Variants in PAH observed in about 807,000 individuals in gnomAD.
PAH encodes the protein phenylalanine hydroxylase.
A neutral mutation model predicts 62.0 loss-of-function variants in PAH; 64 were observed. That is an observed-to-expected ratio of 1.03 (90% confidence interval 0.84 to 1.27). The LOEUF is 1.27. PAH is among the 50% of genes most tolerant of loss of function. PAH has a pLI of 0.00. For synonymous variants in PAH, 195 were observed against 196.2 expected, an observed-to-expected ratio of 0.99 and a Z score of 0.05; for missense variants, 579 against 542.8, an observed-to-expected ratio of 1.07 and a Z score of -0.66.
At chr12:102,914,669 T>A (rs1878320167) in intron 1 of PAH, 1 of 152,218 alleles carries the variant, frequency 6.6e-6, no homozygotes, top group East Asian at 1.9e-4. Flanking sequence ...ACAAAAGATA[T>A]TCCTGTCTCT....
At chr12:102,941,508 T>G (rs1879285935) in intron 1 of PAH, among the ~76,000 whole-genome samples, 1 of 152,092 alleles carries the variant, frequency 6.6e-6, no homozygotes, top group African/African-American at 2.4e-5. Context: ...GGATAGATAT[T>G]GTTACTTCAG....
chr12:102,844,766 G>A (rs1287767494), intron 9 of PAH, among the ~76,000 whole-genome samples: 3 of 152,150 alleles, frequency 2.0e-5, no homozygotes, highest in African/African-American at 7.2e-5. Context: ...TCTGGCCTTT[G>A]GATTCTGGGA....
At chr12:102,905,708 T>C (rs906477337) in intron 2 of PAH, among the ~76,000 whole-genome samples, 1 of 152,070 alleles carries the variant, frequency 6.6e-6, no homozygotes, top group Non-Finnish European at 1.5e-5. Context: ...TAAATATGAC[T>C]TAATTCATGT....
intron 3 of PAH, among the ~76,000 whole-genome samples, chr12:102,889,993 CT>C (rs1877209241): frequency 6.6e-6 from 1 of 152,218 alleles, no homozygotes; most frequent in Admixed American, 6.5e-5. Flanking sequence ...AAAAGACTCT[CT>C]GGATTAAAAT....
chr12:102,931,146 A>C (rs1050125296), intron 1 of PAH, among the ~76,000 whole-genome samples: 1 of 152,148 alleles, frequency 6.6e-6, no homozygotes, highest in Non-Finnish European at 1.5e-5. Context: ...ATAAGGTGGC[A>C]TTTACTTGGG....
chr12:102,840,095 G>A (rs574649780), intron 12 of PAH, among the ~76,000 whole-genome samples: 13 of 152,166 alleles, frequency 8.5e-5, no homozygotes, highest in South Asian at 2.1e-4. Context: ...GACACTTAGC[G>A]TAGAAGGGAT....
chr12:102,864,582 A>C (rs1352272935), intron 5 of PAH, among the ~76,000 whole-genome samples: 1 of 152,202 alleles, frequency 6.6e-6, no homozygotes, highest in East Asian at 1.9e-4. Flanking sequence ...ATGTGACACT[A>C]AACAGACCAT....
intron 1 of PAH, among the ~76,000 whole-genome samples, chr12:102,925,296 AG>A (rs548422590): frequency 9.9e-5 from 15 of 152,262 alleles, no homozygotes; most frequent in Non-Finnish European, 1.9e-4. Context: ...TTGCATTATA[AG>A]GTAAATTTAG....
chr12:102,898,730 C>T (rs773789325), intron 2 of PAH, among the ~76,000 whole-genome samples: 14 of 152,096 alleles, frequency 9.2e-5, no homozygotes, highest in Non-Finnish European at 1.5e-4. Flanking sequence ...AGCTAGAGAG[C>T]GAGGCCCATT....
upstream of PAH, among the ~76,000 whole-genome samples, chr12:102,921,556 T>C (rs1878552565): frequency 6.6e-6 from 1 of 152,224 alleles, no homozygotes; most frequent in Non-Finnish European, 1.5e-5. Context: ...TTAAAAATTT[T>C]TGTGGTTTGT....
intron 5 of PAH, among the ~76,000 whole-genome samples, chr12:102,861,969 A>G (rs868283162): frequency 7.1e-6 from 1 of 141,656 alleles, no homozygotes; most frequent in Admixed American, 6.8e-5. Flanking sequence ...TAAAGTATAA[A>G]AAAAAAAAAA....
intron 2 of PAH, chr12:102,904,599 A>G (rs1877896605): frequency 4.1e-6 from 1 of 240,968 alleles, no homozygotes; most frequent in Non-Finnish European, 8.7e-6. Flanking sequence ...ACTATCATAC[A>G]GATTTTGACA....
intron 9 of PAH, among the ~76,000 whole-genome samples, chr12:102,845,670 C>T (rs568422459): frequency 6.6e-6 from 1 of 152,094 alleles, no homozygotes; most frequent in East Asian, 1.9e-4. Context: ...TTAGTTACAT[C>T]TGTTTATTGG....
chr12:102,902,995 T>C (rs1663989699), intron 2 of PAH, among the ~76,000 whole-genome samples: 1 of 152,202 alleles, frequency 6.6e-6, no homozygotes, highest in Non-Finnish European at 1.5e-5. Context: ...CTCACGCCTT[T>C]AGAGAAAAGA....
At chr12:102,880,958 T>A (rs1876789281) in intron 3 of PAH, among the ~76,000 whole-genome samples, 1 of 150,572 alleles carries the variant, frequency 6.6e-6, no homozygotes, top group South Asian at 2.1e-4. Context: ...TAAAATTGTA[T>A]AATTTATATT....
chr12:102,955,449 A>C (rs1057431506), upstream of PAH, among the ~76,000 whole-genome samples: 4 of 152,204 alleles, frequency 2.6e-5, no homozygotes, highest in Non-Finnish European at 4.4e-5. Context: ...TTGTGAAGTG[A>C]GTCCAAGTTA....
intron 4 of PAH, 98 bp downstream of exon 4, chr12:102,877,364 T>C: frequency 2.2e-6 from 2 of 919,714 alleles, no homozygotes; most frequent in Non-Finnish European, 3.7e-6. Context: ...GTTGAACAAG[T>C]GAACAAGTAC....
At chr12:102,873,225 T>A (rs74675470) in intron 4 of PAH, among the ~76,000 whole-genome samples, 3,738 of 152,274 alleles carry the variant, frequency 0.025, 135 homozygotes, top group African/African-American at 0.075. Flanking sequence ...TTTTCCCCCA[T>A]CTTCTTTGCA....
At chr12:102,851,908 G>C in intron 7 of PAH, 152 bp from the exon 8 acceptor site, 1 of 662,170 alleles carries the variant, frequency 1.5e-6, no homozygotes, top group Non-Finnish European at 2.7e-6. Flanking sequence ...TGCAGAGGTT[G>C]GGATCATAAA....
Sources: allele counts gnomAD v4.1 joint callset (sites outside exome capture counted in the v4.1 genomes callset), GRCh38; gene constraint gnomAD v4.1.1; transcripts MANE v1.5; gene names NCBI Gene and HGNC (gene_info 2026-07-23, HGNC 2026-07-21).